PTPRD: variants seen among roughly 807,000 people sequenced by gnomAD.
PTPRD encodes protein tyrosine phosphatase receptor type D, also known as receptor-type tyrosine-protein phosphatase delta.
A neutral mutation model predicts 214.5 loss-of-function variants in PTPRD; 34 were observed. That is an observed-to-expected ratio of 0.16 (90% CI 0.12 to 0.21). The LOEUF is 0.21. Ranked by LOEUF, PTPRD falls within the 10% of genes least tolerant of loss-of-function variation. PTPRD has a pLI of 1.00. For missense variants in PTPRD, 2,545 were observed against 2,398.7 expected, an observed-to-expected ratio of 1.06 and a Z score of -1.27; for synonymous variants, 1,128 against 845.7, an observed-to-expected ratio of 1.33 and a Z score of -5.79.
chr9:8,923,515 GAACT>G (rs1215800601), intron 11 of PTPRD, among the ~76,000 whole-genome samples: 18 of 152,052 alleles, frequency 1.2e-4, no homozygotes, highest in Admixed American at 1.2e-3. Flanking sequence ...AAGGATCAGG[GAACT>G]AAGTAAGCAT....
chr9:8,629,107 T>C lies in PTPRD; in HGVS notation c.352+4210A>G, dbSNP rs562392924. Among the ~76,000 whole-genome samples the C allele has an allele frequency of 1.8e-3, 274 of 151,874 alleles. 4 individuals carry two copies. Among genetic ancestry groups the C allele is most frequent in the African/African-American group, 6.3e-3 (261 of 41,488 alleles). ...AAGAGCAAAATAATGTATTTTCTGA[T>C]TACTCCCCTAAAAAAAATTCTAAGT... On this transcript the variant is annotated intron_variant, in intron 14 of 45. Transcript: ENST00000381196.
chr9:10,216,685 AC>A lies in PTPRD; in HGVS notation c.-545+124277del, dbSNP rs1223743112. ...TCTAACACCTAACTTACCTCTGTTC[AC>A]AATAGAGCTCTCTTGAATTTTTTGA... On this transcript the variant is annotated intron_variant, in intron 3 of 45. Transcript: ENST00000381196. 6.6e-5 allele frequency among the ~76,000 whole-genome samples: 10 copies of A among 152,160 alleles called. No individual in the cohort carries two copies. In the East Asian group the frequency reaches 1.9e-3, roughly 29 times the overall value.
intron 8 of PTPRD, among the ~76,000 whole-genome samples, chr9:9,516,693 A>G (rs1337790552): frequency 6.6e-6 from 1 of 151,954 alleles, no homozygotes; most frequent in Non-Finnish European, 1.5e-5. Flanking sequence ...GTGGGCCACC[A>G]CACCCAGTTA....
intron 10 of PTPRD, among the ~76,000 whole-genome samples, chr9:9,165,150 T>G (rs1164035692): frequency 6.6e-6 from 1 of 152,026 alleles, no homozygotes; most frequent in Non-Finnish European, 1.5e-5. Flanking sequence ...CTGAAAGACA[T>G]ATTTTTGATG....
chr9:8,977,986 G>T (rs1385806513), intron 11 of PTPRD, among the ~76,000 whole-genome samples: 1 of 151,972 alleles, frequency 6.6e-6, no homozygotes, highest in African/African-American at 2.4e-5. Context: ...TAAATGCCTT[G>T]GGGTGTTTCA....
At chr9:10,146,969 G>A (rs149624419) in intron 3 of PTPRD, among the ~76,000 whole-genome samples, 1,613 of 152,150 alleles carry the variant, frequency 0.011, 90 homozygotes, top group Admixed American at 0.081. Context: ...ATCCAGACAT[G>A]TAGGTGGCGA....
chr9:10,256,878 A>T (rs2093324578), intron 3 of PTPRD, among the ~76,000 whole-genome samples: 1 of 152,194 alleles, frequency 6.6e-6, no homozygotes, highest in African/African-American at 2.4e-5. Flanking sequence ...TACTCTATTT[A>T]CTTAACTCCT....
chr9:8,521,156 A>T, intron 20 of PTPRD, 121 bp downstream of exon 20: 1 of 1,168,256 alleles, frequency 8.6e-7, no homozygotes, highest in Non-Finnish European at 1.2e-6. Flanking sequence ...ATTAGGTTAT[A>T]CACACATTTA....
At chr9:8,436,729 A>G (rs1195107098) in intron 34 of PTPRD, 40 bp from the exon 35 acceptor site, 1 of 1,474,098 alleles carries the variant, frequency 6.8e-7, no homozygotes, top group South Asian at 1.1e-5. Flanking sequence ...TTGAAAACAA[A>G]TGAAAATGAT....
chr9:10,282,206 G>A (rs1340425359), intron 3 of PTPRD, among the ~76,000 whole-genome samples: 1 of 152,078 alleles, frequency 6.6e-6, no homozygotes, highest in East Asian at 1.9e-4. Context: ...AATATCCTTT[G>A]CTCTCTAAAA....
chr9:9,130,116 A>T (rs1181335075), intron 10 of PTPRD, among the ~76,000 whole-genome samples: 1 of 152,166 alleles, frequency 6.6e-6, no homozygotes, highest in African/African-American at 2.4e-5. Flanking sequence ...TGAAAAAGCT[A>T]TTCCTGCACT....
chr9:10,204,020 T>C (rs902249951), intron 3 of PTPRD, among the ~76,000 whole-genome samples: 2 of 152,098 alleles, frequency 1.3e-5, no homozygotes, highest in African/African-American at 2.4e-5. Context: ...CACTCCCCAA[T>C]AGTGAAAAAA....
intron 9 of PTPRD, among the ~76,000 whole-genome samples, chr9:9,215,335 A>G (rs2099951476): frequency 2.0e-5 from 3 of 152,148 alleles, no homozygotes; most frequent in Non-Finnish European, 2.9e-5. Flanking sequence ...GCTACAAGAG[A>G]ACTGGATTTG....
chr9:8,366,581 C>A (rs893627623), intron 39 of PTPRD, among the ~76,000 whole-genome samples: 4 of 152,146 alleles, frequency 2.6e-5, no homozygotes, highest in Admixed American at 2.0e-4. Flanking sequence ...GAAATCTGAA[C>A]CCTCAAAAAT....
intron 3 of PTPRD, among the ~76,000 whole-genome samples, chr9:10,220,957 T>C (rs1363647643): frequency 6.6e-6 from 1 of 151,746 alleles, no homozygotes; most frequent in Admixed American, 6.6e-5. Flanking sequence ...GAAATAAATA[T>C]ATTAAGAAAT....
chr9:10,390,906 T>C (rs1330503218), intron 2 of PTPRD, among the ~76,000 whole-genome samples: 1 of 151,832 alleles, frequency 6.6e-6, no homozygotes, highest in Non-Finnish European at 1.5e-5. Flanking sequence ...CAAAGCATTA[T>C]AAAATTATTG....
chr9:8,973,010 GA>G (rs35822140), intron 11 of PTPRD, among the ~76,000 whole-genome samples: 8,824 of 143,202 alleles, frequency 0.062, 342 homozygotes, highest in South Asian at 0.11. Flanking sequence ...CCCCCAGGGA[GA>G]AAAAAAAAAA....
At chr9:9,017,022 G>A (rs539462674) in intron 11 of PTPRD, among the ~76,000 whole-genome samples, 13 of 151,968 alleles carry the variant, frequency 8.6e-5, no homozygotes, top group Non-Finnish European at 1.6e-4. Flanking sequence ...AACAATGTAT[G>A]GTGGCCTAGT....
chr9:9,183,194 C>G (rs1229586454), intron 10 of PTPRD, 110 bp downstream of exon 10: 1 of 151,800 alleles, frequency 6.6e-6, no homozygotes, highest in Non-Finnish European at 1.5e-5. Context: ...AGTATTTTAT[C>G]CATCCATCCA....
Sources: allele counts gnomAD v4.1 joint callset (sites outside exome capture counted in the v4.1 genomes callset), GRCh38; gene constraint gnomAD v4.1.1; transcripts MANE v1.5; gene names NCBI Gene and HGNC (gene_info 2026-07-23, HGNC 2026-07-21).